Variants in UST observed in about 807,000 individuals in gnomAD.
UST encodes the protein uronyl 2-sulfotransferase.
A neutral mutation model predicts 45.6 loss-of-function variants in UST; 21 were observed. The ratio of observed to expected loss-of-function variants is 0.46; its 90% CI spans 0.33 to 0.66. UST has a LOEUF of 0.66. UST is among the 30% of genes least tolerant of loss of function. The pLI, the probability that UST is intolerant of heterozygous loss-of-function variation, is 0.02. For missense variants in UST, 463 were observed against 512.4 expected (o/e 0.90, Z 0.93); for synonymous variants, 215 against 200.6 (o/e 1.07, Z -0.61).
intron 5 of UST, among the ~76,000 whole-genome samples, chr6:148,983,953 G>A (rs1781188511): frequency 6.6e-6 from 1 of 152,140 alleles, no homozygotes; most frequent in Non-Finnish European, 1.5e-5. Flanking sequence ...GATGCCAGTG[G>A]CTGAAATTTG....
At chr6:148,783,640 T>C (rs1260370204) in intron 1 of UST, among the ~76,000 whole-genome samples, 2 of 152,234 alleles carry the variant, frequency 1.3e-5, no homozygotes, top group Non-Finnish European at 2.9e-5. Flanking sequence ...GAGCTTCTTG[T>C]GGTTTTAGAA....
rs186750929 is a variant in UST at position 148,940,694 on chromosome 6, G to A, written c.292-585G>A. The stretch of plus-strand genomic sequence containing the variant: ...ACTCCTGACCTGTTACTGTCTTCTT[G>A]GTTGTTTATTATACCCATCCTCATG... On this transcript the variant is annotated intron_variant, in intron 2 of 7. Transcript: ENST00000367463. 2.2e-4 allele frequency among the ~76,000 whole-genome samples: 34 copies of A among 152,262 alleles called. No individual in the cohort carries two copies. In the East Asian group the frequency reaches 6.0e-3, roughly 27 times the overall value.
At chr6:148,767,002 C>G (rs1466576999) in intron 1 of UST, among the ~76,000 whole-genome samples, 1 of 152,202 alleles carries the variant, frequency 6.6e-6, no homozygotes, top group Admixed American at 6.5e-5. Flanking sequence ...ATGCAAATCA[C>G]TCGAGGATTT....
In UST at chr6:148,941,351, C is replaced by T. The variant is rs1339323196; in HGVS notation, c.364C>T (p.Leu122=). ...TGGGAGCCGTACTGTGGTCTTGCTTCTGAGAATCTTGTCGGAGAAGCACGG... is the reference window on the plus strand; with the variant it reads ...TGGGAGCCGTACTGTGGTCTTGCTTTTGAGAATCTTGTCGGAGAAGCACGG... The part of the protein sequence containing the change: ...KCGSRTVVLL[L]RILSEKHGFN... The change falls in exon 3 of 8, where the codon CTG becomes TTG. Residue 122 remains leucine, a synonymous_variant. Transcript: ENST00000367463. The T allele has an allele frequency of 1.9e-6, 3 of 1,612,916 alleles. No homozygotes were observed. The highest frequency in any genetic ancestry group is 2.5e-6 in the Non-Finnish European group (3 of 1,179,820).
intron 1 of UST, among the ~76,000 whole-genome samples, chr6:148,853,985 T>C (rs1395846109): frequency 6.6e-6 from 1 of 152,242 alleles, no homozygotes; most frequent in Non-Finnish European, 1.5e-5. Context: ...TTTTGCATCA[T>C]ATAACAAAGT....
chr6:148,841,903 C>T (rs992211064), intron 1 of UST, among the ~76,000 whole-genome samples: 3 of 152,132 alleles, frequency 2.0e-5, no homozygotes, highest in African/African-American at 4.8e-5. Flanking sequence ...TAAGGGAGTT[C>T]GAGACCAGCC....
intron 2 of UST, among the ~76,000 whole-genome samples, chr6:148,901,994 C>CT (rs1304589509): frequency 1.3e-5 from 2 of 152,166 alleles, no homozygotes; most frequent in Non-Finnish European, 2.9e-5. Context: ...CATGTCCCCT[C>CT]TGAGTATGAA....
intron 5 of UST, among the ~76,000 whole-genome samples, chr6:149,009,447 T>C (rs534677803): frequency 1.3e-5 from 2 of 151,542 alleles, no homozygotes; most frequent in East Asian, 3.9e-4. Flanking sequence ...AGTCCCCAGA[T>C]TAAAAGGGCC....
chr6:148,863,325 C>G (rs1220806922), intron 1 of UST, among the ~76,000 whole-genome samples: 2 of 152,214 alleles, frequency 1.3e-5, no homozygotes, highest in African/African-American at 4.8e-5. Flanking sequence ...ACGTAGTTCT[C>G]ATGCCATGGT....
chr6:148,919,853 G>A (rs1779667801), intron 2 of UST, among the ~76,000 whole-genome samples: 1 of 152,134 alleles, frequency 6.6e-6, no homozygotes, highest in African/African-American at 2.4e-5. Flanking sequence ...CATTAAAATG[G>A]CTTAATTTGA....
At chr6:148,816,159 C>T (rs2114736905) in intron 1 of UST, among the ~76,000 whole-genome samples, 1 of 152,302 alleles carries the variant, frequency 6.6e-6, no homozygotes, top group African/African-American at 2.4e-5. Flanking sequence ...CTGGGATTTG[C>T]ACACTTGAGT....
chr6:148,825,169 T>G (rs1275345480), intron 1 of UST, among the ~76,000 whole-genome samples: 1 of 152,144 alleles, frequency 6.6e-6, no homozygotes, highest in Non-Finnish European at 1.5e-5. Flanking sequence ...CTTTCTAGAC[T>G]TGAGAGACAG....
intron 2 of UST, among the ~76,000 whole-genome samples, chr6:148,929,138 G>A (rs932720837): frequency 1.3e-5 from 2 of 152,154 alleles, no homozygotes; most frequent in Admixed American, 6.5e-5. Flanking sequence ...CAGGGCCTTT[G>A]AGTGGTGGGG....
At chr6:148,837,653 A>C (rs2114767677) in intron 1 of UST, among the ~76,000 whole-genome samples, 1 of 152,314 alleles carries the variant, frequency 6.6e-6, no homozygotes, top group Non-Finnish European at 1.5e-5. Flanking sequence ...CTGGGTTCTA[A>C]GGTACAGCAG....
At chr6:148,974,009 C>T in intron 5 of UST, among the ~76,000 whole-genome samples, 1 of 152,198 alleles carries the variant, frequency 6.6e-6, no homozygotes, top group East Asian at 1.9e-4. Flanking sequence ...GATTTGTTAG[C>T]TGCGGCAGCC....
At chr6:149,023,038 A>G (rs956923333) in intron 7 of UST, among the ~76,000 whole-genome samples, 7 of 149,898 alleles carry the variant, frequency 4.7e-5, no homozygotes, top group Non-Finnish European at 1.0e-4. Flanking sequence ...CCTAAATTAG[A>G]CTCCTTTGAA....
At chr6:148,910,883 G>T (rs1360434623) in intron 2 of UST, among the ~76,000 whole-genome samples, 1 of 152,004 alleles carries the variant, frequency 6.6e-6, no homozygotes, top group Non-Finnish European at 1.5e-5. Context: ...GCTTCTCAGG[G>T]GTCTCCCCTT....
intron 1 of UST, among the ~76,000 whole-genome samples, chr6:148,870,608 C>T (rs2114815082): frequency 6.6e-6 from 1 of 152,302 alleles, no homozygotes; most frequent in South Asian, 2.1e-4. Context: ...TGTCAGCGTC[C>T]CTCTTTTCTT....
rs764630220 is a variant in UST, at chr6:148,790,200, G to A, written c.247+42523G>A. The stretch of plus-strand genomic sequence containing the variant: ...CCTCCTAAGGCGGCAGCCTCGCTGG[G>A]TGGATTGAGTGGTTACCTTGGATCC... On this transcript the variant is annotated intron_variant, in intron 1 of 7. Coordinates refer to ENST00000367463, the MANE Select transcript of UST (RefSeq NM_005715.3). This position sits in a 1 kb window ranked among gnomAD's most constrained non-coding sequence, Gnocchi z 4.2. Among the ~76,000 whole-genome samples the A allele has an allele frequency of 4.6e-5, 7 of 152,144 alleles. No homozygotes were observed.
Sources: allele counts gnomAD v4.1 joint callset (sites outside exome capture counted in the v4.1 genomes callset), GRCh38; gene constraint gnomAD v4.1.1; non-coding constraint Gnocchi (gnomAD v3.1); transcripts MANE v1.5; gene names NCBI Gene and HGNC (gene_info 2026-07-23, HGNC 2026-07-21).